The following LIG1 variants were observed in gnomAD, a reference collection of about 807,000 sequenced individuals.
LIG1 encodes DNA ligase 1.
A neutral mutation model predicts 115.7 loss-of-function variants in LIG1; 70 were observed. That is an observed-to-expected ratio of 0.60 (90% CI 0.50 to 0.74). LIG1 has a LOEUF of 0.74. Among genes scored for constraint, LIG1 ranks in the 30% least tolerant of loss-of-function variants. The pLI is 0.00. For missense variants in LIG1, 1,115 were observed against 1,225.6 expected (o/e 0.91, Z 1.35); for synonymous variants, 487 against 495.3 (o/e 0.98, Z 0.22).
intron 9 of LIG1, among the ~76,000 whole-genome samples, chr19:48,148,887 G>A (rs1311585211): frequency 6.6e-6 from 1 of 152,218 alleles, no homozygotes; most frequent in Non-Finnish European, 1.5e-5. Flanking sequence ...CATCACGAGG[G>A]CTGGGGCAGG....
chr19:48,133,399 A>G, intron 17 of LIG1: 1 of 421,984 alleles, frequency 2.4e-6, no homozygotes, highest in Admixed American at 3.6e-5. Flanking sequence ...TCCCACAATT[A>G]GAACAGGGAA....
At chr19:48,148,670 G>C (rs1320718441) in intron 9 of LIG1, among the ~76,000 whole-genome samples, 1 of 152,030 alleles carries the variant, frequency 6.6e-6, no homozygotes, top group African/African-American at 2.4e-5. Flanking sequence ...GCAGAGATGG[G>C]GGGGTGACCT....
At chr19:48,127,707 G>A (rs1175843215) in intron 20 of LIG1, 13 of 666,660 alleles carry the variant, frequency 2.0e-5, no homozygotes, top group Non-Finnish European at 3.0e-5. Context: ...TGCCCGAAAA[G>A]GGCCCTTCCC....
chr19:48,123,320 T>C lies in LIG1; in HGVS notation c.2005-2A>G. ...GGAAAGGGGCTCACGTACCAGGGAC[T>C]GCAGGGCCGGCAGGGAGAAGAGAGA... On this transcript the variant is annotated splice_acceptor_variant, in intron 21 of 27. Transcript: ENST00000263274. LOFTEE classifies it high-confidence loss of function. The C allele has an allele frequency of 6.2e-7, 1 of 1,613,120 alleles. No individual in the cohort carries two copies. The highest frequency in any genetic ancestry group is 8.5e-7 in the Non-Finnish European group (1 of 1,180,008).
intron 11 of LIG1, among the ~76,000 whole-genome samples, chr19:48,142,880 T>C (rs1309690743): frequency 1.3e-5 from 2 of 152,092 alleles, no homozygotes; most frequent in Non-Finnish European, 2.9e-5. Context: ...TGACCTCAGG[T>C]GATCCACCCA....
At chr19:48,161,542 A>C in intron 3 of LIG1, 35 bp from the exon 4 acceptor site, 1 of 1,611,536 alleles carries the variant, frequency 6.2e-7, no homozygotes, top group Non-Finnish European at 8.5e-7. Flanking sequence ...TAAAGGGGCG[A>C]CTACAGCAGG....
At chr19:48,160,769 G>C (rs1356486135) in intron 4 of LIG1, among the ~76,000 whole-genome samples, 1 of 150,416 alleles carries the variant, frequency 6.6e-6, no homozygotes, top group Admixed American at 6.6e-5. Context: ...GTCTTGCTCT[G>C]TCACCCCGGC....
intron 21 of LIG1, among the ~76,000 whole-genome samples, chr19:48,124,220 CT>C (rs2033507531): frequency 6.6e-6 from 1 of 152,152 alleles, no homozygotes; most frequent in South Asian, 2.1e-4. Context: ...CCATGGACAG[CT>C]TTTTTCTGTT....
intron 23 of LIG1, among the ~76,000 whole-genome samples, chr19:48,121,732 C>T (rs541549070): frequency 1.3e-5 from 2 of 152,128 alleles, no homozygotes; most frequent in East Asian, 1.9e-4. Flanking sequence ...ACCCGGGAGG[C>T]GGAGGTTGCA....
At chr19:48,152,374 CG>C (rs2035534664) in intron 6 of LIG1, among the ~76,000 whole-genome samples, 1 of 152,210 alleles carries the variant, frequency 6.6e-6, no homozygotes, top group South Asian at 2.1e-4. Flanking sequence ...CCACCCGCTT[CG>C]GCCTCCCAAA....
At chr19:48,149,908 T>G in intron 8 of LIG1, 67 bp from the exon 9 acceptor site, 1 of 1,559,938 alleles carries the variant, frequency 6.4e-7, no homozygotes, top group Non-Finnish European at 8.8e-7. Context: ...CCATCCATTC[T>G]GCACCCAGCA....
At position 48,133,015 on chromosome 19, in the gene LIG1, G is replaced by C. The variant is rs55817698; in HGVS notation, c.1692C>G (p.Thr564=). 6.2e-7 allele frequency: 1 copy of C among 1,613,892 alleles called. No individual in the cohort carries two copies. The highest frequency in any genetic ancestry group is 2.2e-5 in the East Asian group (1 of 44,884). The stretch of plus-strand genomic sequence containing the variant: ...TCTGCCCGTCATATTTGTATTCGCA[G>C]GTGAAAGCTGCCTCCTCAAAGCGTT... ...VLKRFEEAAF[T]CEYKYDGQRA... Residue 564 remains threonine, a synonymous_variant, in exon 18 of 28, where the codon ACC becomes ACG. Coordinates refer to ENST00000263274, the MANE Select transcript of LIG1 (RefSeq NM_000234.3).
intron 12 of LIG1, among the ~76,000 whole-genome samples, chr19:48,138,119 C>A (rs2034515958): frequency 6.6e-6 from 1 of 152,110 alleles, no homozygotes; most frequent in African/African-American, 2.4e-5. Flanking sequence ...TGTTTTGGAG[C>A]CACCAGCTTA....
intron 1 of LIG1, 161 bp downstream of exon 1, chr19:48,170,080 C>A: frequency 2.5e-6 from 1 of 404,592 alleles, no homozygotes; most frequent in Non-Finnish European, 5.0e-6. Flanking sequence ...CTCCGGCGGC[C>A]CGCAGCCCGC....
chr19:48,118,039 G>A (rs1169131112), intron 25 of LIG1, among the ~76,000 whole-genome samples: 1 of 152,198 alleles, frequency 6.6e-6, no homozygotes, highest in African/African-American at 2.4e-5. Context: ...GTGGGAGTTG[G>A]GAGGAATGGG....
chr19:48,127,373 G>T (rs112824402), intron 20 of LIG1, 25 bp from the exon 21 acceptor site: 7 of 1,603,732 alleles, frequency 4.4e-6, no homozygotes, highest in African/African-American at 1.3e-5. Flanking sequence ...AACGGAGTTC[G>T]TGAGTGCAGG....
intron 11 of LIG1, among the ~76,000 whole-genome samples, chr19:48,142,092 A>G (rs1031317343): frequency 3.3e-5 from 5 of 152,030 alleles, no homozygotes; most frequent in African/African-American, 1.2e-4. Context: ...ACTTGAGGTC[A>G]GGAGTTCAAG....
Position 48,120,617 on chromosome 19 carries a change from AGG to A in LIG1, c.2385+551_2385+552del, listed in dbSNP as rs538162324. 803 of 941,726 alleles carry A rather than the reference AGG, an allele frequency of 8.5e-4. 7 individuals are homozygous for A. The African/African-American group carries it at 0.013, about 16-fold the overall frequency. 58.3% of individuals were successfully genotyped at this position (941,726 alleles called of 1,614,324 possible). On this transcript the variant is annotated intron_variant, in intron 24 of 27. Transcript: ENST00000263274. Reference sequence around the variant, plus strand: ...ACATTTCCCAGAATTCCTTGCAGCTAGGGGTGAGCCATGGAGCAAAGTGATGA... The same window carrying A: ...ACATTTCCCAGAATTCCTTGCAGCTAGGTGAGCCATGGAGCAAAGTGATGA...
chr19:48,121,857 G>A (rs1355459104), intron 23 of LIG1, among the ~76,000 whole-genome samples: 2 of 152,172 alleles, frequency 1.3e-5, no homozygotes, highest in African/African-American at 2.4e-5. Flanking sequence ...GGATCGATGG[G>A]ACCTCAGGAG....
Sources: gnomAD v4.1 joint callset for allele counts (sites outside exome capture counted in the v4.1 genomes callset) on GRCh38, gnomAD v4.1.1 for gene constraint, MANE v1.5 for transcripts, NCBI Gene and HGNC (gene_info 2026-07-23, HGNC 2026-07-21) for gene names.